ZNF236: variants seen among roughly 807,000 people sequenced by gnomAD.
ZNF236 encodes the protein zinc finger protein 236.
In ZNF236, 50 loss-of-function variants were observed where a neutral mutation model predicts 191.2. The observed-to-expected ratio is 0.26, with a 90% CI of 0.21 to 0.33. The LOEUF is 0.33. Ranked by LOEUF, ZNF236 falls within the 10% of genes least tolerant of loss-of-function variation. The probability of loss-of-function intolerance (pLI) is 1.00; values close to 1 mark genes in which losing one functional copy is unlikely to be tolerated. For missense variants in ZNF236, 1,754 were observed against 2,374.5 expected (o/e 0.74, Z 5.43); for synonymous variants, 907 against 928.8 (o/e 0.98, Z 0.43).
chr18:76,915,520 G>A, intron 18 of ZNF236, 127 bp from the exon 19 acceptor site: 5 of 785,076 alleles, frequency 6.4e-6, no homozygotes, highest in Non-Finnish European at 8.0e-6. Flanking sequence ...TTTAACCAAA[G>A]TCTGTTAAGC....
At chr18:76,833,540 C>G (rs1389945260) in intron 1 of ZNF236, among the ~76,000 whole-genome samples, 1 of 152,106 alleles carries the variant, frequency 6.6e-6, no homozygotes, top group East Asian at 1.9e-4. Context: ...CCCTGGGATA[C>G]AGGCAAACTT....
intron 1 of ZNF236, among the ~76,000 whole-genome samples, chr18:76,825,353 A>G (rs769957158): frequency 6.6e-6 from 1 of 152,144 alleles, no homozygotes; most frequent in Non-Finnish European, 1.5e-5. Flanking sequence ...AATATCATAG[A>G]CTAAGACTGT....
At chr18:76,858,185 A>G (rs1239031854) in intron 3 of ZNF236, among the ~76,000 whole-genome samples, 3 of 152,236 alleles carry the variant, frequency 2.0e-5, no homozygotes, top group Non-Finnish European at 4.4e-5. Flanking sequence ...TTTTTAAAAA[A>G]AAATCACCCT....
intron 1 of ZNF236, among the ~76,000 whole-genome samples, chr18:76,836,658 A>G (rs1043466520): frequency 6.6e-6 from 1 of 151,532 alleles, no homozygotes; most frequent in Non-Finnish European, 1.5e-5. Context: ...GCTCACTGCA[A>G]GCTCTGCTTC....
intron 1 of ZNF236, among the ~76,000 whole-genome samples, chr18:76,836,886 G>GT (rs1044976111): frequency 1.3e-5 from 2 of 151,066 alleles, no homozygotes; most frequent in Non-Finnish European, 3.0e-5. Context: ...CTATTTATTT[G>GT]TTTTTTTGAG....
chr18:76,950,452 C>T (rs1968376286), intron 27 of ZNF236, among the ~76,000 whole-genome samples: 1 of 152,116 alleles, frequency 6.6e-6, no homozygotes, highest in Non-Finnish European at 1.5e-5. Context: ...CCTTTAGATC[C>T]CTATCTGCTC....
At chr18:76,942,717 T>C (rs949665653) in intron 26 of ZNF236, among the ~76,000 whole-genome samples, 21 of 149,198 alleles carry the variant, frequency 1.4e-4, no homozygotes, top group Non-Finnish European at 3.0e-4. Flanking sequence ...GGTTTCACCA[T>C]GTCAGCCAGG....
At chr18:76,908,236 A>G (rs752530812) in intron 13 of ZNF236, 84 bp from the exon 14 acceptor site, 65 of 1,480,954 alleles carry the variant, frequency 4.4e-5, no homozygotes, top group Non-Finnish European at 5.6e-5. Context: ...TATTTAATCA[A>G]TGACAACTCT....
At chr18:76,848,777 C>T (rs1469197813) in intron 1 of ZNF236, among the ~76,000 whole-genome samples, 1 of 152,136 alleles carries the variant, frequency 6.6e-6, no homozygotes, top group Non-Finnish European at 1.5e-5. Context: ...GAGATCCTTC[C>T]ACCTCAGCCT....
intron 1 of ZNF236, among the ~76,000 whole-genome samples, chr18:76,823,907 T>C (rs1974943405): frequency 6.6e-6 from 1 of 152,140 alleles, no homozygotes; most frequent in South Asian, 2.1e-4. Flanking sequence ...GCAGGCCTGG[T>C]CCCTGGTCCT....
rs1024135562 is a variant in ZNF236, at chr18:76,937,147, C to G, written c.4595-9C>G. 6.9e-5 allele frequency: 111 copies of G among 1,611,108 alleles called. No individual in the cohort carries two copies. The Admixed American group carries it at 1.8e-3, about 27-fold the overall frequency. The stretch of plus-strand genomic sequence containing the variant: ...TCCCATTGATCTACTTACTTTGCCT[C>G]TTTTGTAGAACTTAACACTACAAGC... On this transcript the variant is annotated splice_polypyrimidine_tract_variant and intron_variant, in intron 25 of 30. Transcript: ENST00000320610.
At chr18:76,837,121 A>AC (rs1257822007) in intron 1 of ZNF236, among the ~76,000 whole-genome samples, 49 of 32,756 alleles carry the variant, frequency 1.5e-3, no homozygotes, top group South Asian at 2.4e-3. Context: ...AGTGATCCGC[A>AC]CCCCCTCCCC....
chr18:76,895,729 A>C (rs1406112264), intron 10 of ZNF236, among the ~76,000 whole-genome samples: 2 of 151,476 alleles, frequency 1.3e-5, no homozygotes, highest in African/African-American at 4.8e-5. Flanking sequence ...GGTATGGCCC[A>C]CAGTGCTGCA....
intron 27 of ZNF236, among the ~76,000 whole-genome samples, chr18:76,949,975 T>A (rs957022749): frequency 2.9e-5 from 4 of 136,014 alleles, no homozygotes; most frequent in Non-Finnish European, 4.8e-5. Context: ...GTTTTTTTTT[T>A]AAATGTACAT....
intron 1 of ZNF236, among the ~76,000 whole-genome samples, chr18:76,845,133 C>G (rs998766308): frequency 1.3e-5 from 2 of 152,160 alleles, no homozygotes; most frequent in Admixed American, 6.5e-5. Flanking sequence ...TGAAACTAGT[C>G]TCTACTTAAG....
intron 4 of ZNF236, among the ~76,000 whole-genome samples, 157 bp from the exon 5 acceptor site, chr18:76,871,544 A>G (rs1158741529): frequency 6.6e-6 from 1 of 152,210 alleles, no homozygotes; most frequent in East Asian, 1.9e-4. Flanking sequence ...TAAAACTAAC[A>G]CATATACACA....
chr18:76,825,501 T>C (rs1386104758), intron 1 of ZNF236, among the ~76,000 whole-genome samples: 1 of 152,168 alleles, frequency 6.6e-6, no homozygotes, highest in Non-Finnish European at 1.5e-5. Context: ...TGTATCACAG[T>C]CAAGAAGAAC....
At position 76,969,658 on chromosome 18, in the gene ZNF236, G is replaced by T. The variant is rs1012239854; in HGVS notation, c.*1319G>T. 1 of 151,346 alleles carries T rather than the reference G, an allele frequency of 6.6e-6. No individual in the cohort carries two copies. The highest frequency in any genetic ancestry group is 2.1e-4 in the South Asian group (1 of 4,744). 9.4% of individuals were successfully genotyped at this position (151,346 alleles called of 1,614,324 possible). A position where few individuals can be genotyped will look rare whatever the true frequency, so the allele number is the denominator to read the frequency against. Reference sequence around the variant, plus strand: ...AAAATAATTGCCTTTATTTTCTCTCGTTGCCTCCTTGGTTTCAGAAGAGAG... The same window carrying T: ...AAAATAATTGCCTTTATTTTCTCTCTTTGCCTCCTTGGTTTCAGAAGAGAG... On this transcript the variant is annotated 3_prime_UTR_variant, in exon 31 of 31. Coordinates refer to ENST00000320610, the MANE Select transcript of ZNF236 (RefSeq NM_001306089.2).
chr18:76,856,145 AGT>A (rs1203847471), intron 3 of ZNF236, among the ~76,000 whole-genome samples: 3 of 151,464 alleles, frequency 2.0e-5, no homozygotes, highest in Non-Finnish European at 4.4e-5. Context: ...GGTCTCAAGT[AGT>A]GGTTGGATTA....
Sources: gnomAD v4.1 joint callset for allele counts (sites outside exome capture counted in the v4.1 genomes callset) on GRCh38, gnomAD v4.1.1 for gene constraint, MANE v1.5 for transcripts, NCBI Gene and HGNC (gene_info 2026-07-23, HGNC 2026-07-21) for gene names.